RBMS3: variants seen among roughly 807,000 people sequenced by gnomAD.
The protein encoded by RBMS3 is RNA binding motif single stranded interacting protein 3, also known as RNA-binding motif, single-stranded-interacting protein 3.
RBMS3 carries 27 observed loss-of-function variants against 66.8 expected under a neutral mutation model. The ratio of observed to expected loss-of-function variants is 0.40; its 90% CI spans 0.30 to 0.56. The LOEUF is 0.56. RBMS3 is among the 20% of genes least tolerant of loss of function. RBMS3 has a pLI of 0.40. For synonymous variants in RBMS3, 188 were observed against 183.0 expected, an observed-to-expected ratio of 1.03 and a Z score of -0.22; for missense variants, 513 against 549.5, an observed-to-expected ratio of 0.93 and a Z score of 0.66.
chr3:29,463,748 A>G (rs2042448014), intron 2 of RBMS3, among the ~76,000 whole-genome samples: 1 of 152,022 alleles, frequency 6.6e-6, no homozygotes, highest in African/African-American at 2.4e-5. Context: ...GGACATCCTC[A>G]TTACTTAAAA....
intron 6 of RBMS3, among the ~76,000 whole-genome samples, chr3:29,800,261 A>G (rs1350782990): frequency 1.3e-5 from 2 of 151,086 alleles, no homozygotes; most frequent in Admixed American, 6.6e-5. Flanking sequence ...CCCCTCCTCC[A>G]TTTTTATGGT....
chr3:29,725,689 A>G (rs2053835176), intron 4 of RBMS3, among the ~76,000 whole-genome samples: 1 of 152,176 alleles, frequency 6.6e-6, no homozygotes. Flanking sequence ...TAGACCAATA[A>G]CAAGTTCTGA....
At chr3:29,936,252 C>T (rs2061263088) in intron 11 of RBMS3, 56 bp downstream of exon 11, 1 of 1,452,090 alleles carries the variant, frequency 6.9e-7, no homozygotes, top group Non-Finnish European at 9.5e-7. Flanking sequence ...ATGTGATATT[C>T]TCCATTTTTA....
intron 1 of RBMS3, among the ~76,000 whole-genome samples, chr3:29,409,288 G>A (rs544664310): frequency 6.6e-6 from 1 of 152,158 alleles, no homozygotes; most frequent in South Asian, 2.1e-4. Flanking sequence ...GAAGAGTTTG[G>A]CTGGGACACC....
chr3:29,542,653 G>A (rs187277761), intron 3 of RBMS3, among the ~76,000 whole-genome samples: 11 of 152,268 alleles, frequency 7.2e-5, no homozygotes, highest in Non-Finnish European at 8.8e-5. Flanking sequence ...GAGCCACCAC[G>A]CCCAGCCCAT....
intron 5 of RBMS3, among the ~76,000 whole-genome samples, chr3:29,758,059 C>T (rs1169700393): frequency 6.6e-6 from 1 of 152,186 alleles, no homozygotes; most frequent in Non-Finnish European, 1.5e-5. Context: ...TGATAAGACC[C>T]CTAGTTTTCA....
intron 8 of RBMS3, among the ~76,000 whole-genome samples, chr3:29,886,454 A>G (rs2059873784): frequency 6.6e-6 from 1 of 151,780 alleles, no homozygotes; most frequent in Non-Finnish European, 1.5e-5. Context: ...GGCTATATGG[A>G]AGCAATGAGA....
chr3:29,744,547 G>T (rs1373045447), intron 5 of RBMS3, among the ~76,000 whole-genome samples: 1 of 152,164 alleles, frequency 6.6e-6, no homozygotes, highest in Non-Finnish European at 1.5e-5. Context: ...ACTTTGGGAG[G>T]CCAAGGCAGG....
In RBMS3 at chr3:29,534,792, A is replaced by G. The variant is rs77981322; in HGVS notation, c.307+46293A>G. Among the ~76,000 whole-genome samples, 8 of 152,352 alleles carry G rather than the reference A, an allele frequency of 5.3e-5. No individual in the cohort carries two copies. The East Asian group carries it at 1.5e-3, about 29-fold the overall frequency. On this transcript the variant is annotated intron_variant, in intron 3 of 14. Transcript: ENST00000383767. ...GTTCAGTTCTATAGCTTTCAGCAGC[A>G]TAGCTGACATATTATCCACTCGTGT...
chr3:29,700,209 A>G (rs1170587474), intron 4 of RBMS3, among the ~76,000 whole-genome samples: 1 of 152,194 alleles, frequency 6.6e-6, no homozygotes, highest in Non-Finnish European at 1.5e-5. Flanking sequence ...CTGCCAGTAG[A>G]TCTATTATAG....
At chr3:29,499,009 T>G (rs2043865713) in intron 3 of RBMS3, among the ~76,000 whole-genome samples, 1 of 152,190 alleles carries the variant, frequency 6.6e-6, no homozygotes, top group African/African-American at 2.4e-5. Flanking sequence ...TTAGGGCCTA[T>G]AAACCTGGTG....
intron 1 of RBMS3, among the ~76,000 whole-genome samples, chr3:29,297,587 ATTG>A (rs999496907): frequency 6.6e-6 from 1 of 151,700 alleles, no homozygotes; most frequent in African/African-American, 2.4e-5. Flanking sequence ...AATTTTCTTT[ATTG>A]TTATTTTGTT....
chr3:29,806,995 C>T (rs1476508031), intron 6 of RBMS3, among the ~76,000 whole-genome samples: 1 of 151,892 alleles, frequency 6.6e-6, no homozygotes, highest in African/African-American at 2.4e-5. Flanking sequence ...AATGTCACAA[C>T]TCATCTACTT....
chr3:29,634,630 T>C (rs1029026121), intron 4 of RBMS3, among the ~76,000 whole-genome samples: 3 of 151,830 alleles, frequency 2.0e-5, no homozygotes, highest in African/African-American at 7.2e-5. Flanking sequence ...CGCTCTTTAT[T>C]GACTTTCTTC....
At chr3:29,797,025 C>T (rs2057222978) in intron 6 of RBMS3, among the ~76,000 whole-genome samples, 1 of 151,956 alleles carries the variant, frequency 6.6e-6, no homozygotes, top group Non-Finnish European at 1.5e-5. Context: ...ATGGCTTTTA[C>T]TTAGTCACCA....
chr3:29,332,116 G>T (rs1282839766), intron 1 of RBMS3, among the ~76,000 whole-genome samples: 6 of 152,056 alleles, frequency 3.9e-5, no homozygotes, highest in African/African-American at 1.4e-4. Context: ...CTTTGTGACT[G>T]CTTCATTTTG....
intron 4 of RBMS3, chr3:29,642,957 G>A (rs2049782255): frequency 6.6e-6 from 1 of 152,102 alleles, no homozygotes; most frequent in Non-Finnish European, 1.5e-5. Flanking sequence ...GCCTGGCGAT[G>A]TTCATTTACC....
chr3:29,388,743 T>C lies in RBMS3; in HGVS notation c.76-46000T>C, dbSNP rs1020502232. On this transcript the variant is annotated intron_variant, in intron 1 of 14. Transcript: ENST00000383767. The stretch of plus-strand genomic sequence containing the variant: ...ACTATGCCCAGCTAATTTTAGTATT[T>C]TTAGTAGAGACAGGGTTTCACCATG... Among the ~76,000 whole-genome samples, 9 of 152,144 alleles carry C rather than the reference T, an allele frequency of 5.9e-5. 1 individual carries two copies. The highest frequency in any genetic ancestry group is 1.5e-5 in the Non-Finnish European group (1 of 68,038).
chr3:29,477,431 C>T (rs924856581), intron 2 of RBMS3, among the ~76,000 whole-genome samples: 3 of 147,752 alleles, frequency 2.0e-5, no homozygotes, highest in Non-Finnish European at 4.4e-5. Flanking sequence ...TGTATTGATC[C>T]CTGTGTGTAG....
Sources: allele counts gnomAD v4.1 joint callset (sites outside exome capture counted in the v4.1 genomes callset), GRCh38; gene constraint gnomAD v4.1.1; transcripts MANE v1.5; gene names NCBI Gene and HGNC (gene_info 2026-07-23, HGNC 2026-07-21).